The following DCLRE1B variants were observed in gnomAD, a reference collection of about 807,000 sequenced individuals.
DCLRE1B encodes the protein DNA cross-link repair 1B.
Under a neutral mutation model 19.8 loss-of-function variants are expected in DCLRE1B, and 6 were observed. That is an observed-to-expected ratio of 0.30 (90% CI 0.17 to 0.60). DCLRE1B has a LOEUF of 0.60. Ranked by LOEUF, DCLRE1B falls within the 20% of genes least tolerant of loss-of-function variation. DCLRE1B has a pLI of 0.87. For missense variants in DCLRE1B, 622 were observed against 654.2 expected (o/e 0.95, Z 0.54); for synonymous variants, 258 against 255.7 (o/e 1.01, Z -0.09).
rs1195113011 is a variant in DCLRE1B, at chr1:113,911,835, T to C, written c.1243T>C (p.Phe415Leu). Reference sequence around the variant, plus strand: ...CAAAGAATGGAACAAGGCAGTGCCTTTCTGTGAGTCTCAAAAGAGGGTGAC... The same window carrying C: ...CAAAGAATGGAACAAGGCAGTGCCTCTCTGTGAGTCTCAAAAGAGGGTGAC... ...YSKEWNKAVP[F>L]CESQKRVTML... The change falls in exon 4 of 4, where the codon TTC becomes CTC. Residue 415 changes from phenylalanine to leucine, a missense_variant. Around this residue, in one of 3 missense-constraint regions of DCLRE1B, gnomAD observed 382 missense variants for 412.5 expected, o/e 0.93. Transcript: ENST00000650450. 1.2e-6 allele frequency: 2 copies of C among 1,614,228 alleles called. No homozygotes were observed. Among genetic ancestry groups the C allele is most frequent in the Non-Finnish European group, 1.7e-6 (2 of 1,180,038 alleles).
At chr1:113,910,262 G>A (rs1256977485) in intron 3 of DCLRE1B, among the ~76,000 whole-genome samples, 3 of 152,156 alleles carry the variant, frequency 2.0e-5, no homozygotes, top group Non-Finnish European at 4.4e-5. Flanking sequence ...CTTACACAAT[G>A]AAGTCCAAGC....
In DCLRE1B at chr1:113,911,470, AG is replaced by A. The variant is rs767541697; in HGVS notation, c.880del (p.Val294TrpfsTer5). 1.2e-6 allele frequency: 2 copies of A among 1,614,172 alleles called. No individual in the cohort carries two copies. Among genetic ancestry groups the A allele is most frequent in the Non-Finnish European group, 1.7e-6 (2 of 1,180,040 alleles). ...TTTGTCGCAGCACTGAAGCCTTGCC[AG>A]GTGGTGCCCATTGTAAGTCGGCGGC... ...RAFVAALKPC[Q>X]VVPIVSRRPC... On this transcript the variant is annotated frameshift_variant, in exon 4 of 4. Transcript: ENST00000650450. LOFTEE classifies it low-confidence loss of function (END_TRUNC).
Position 113,905,376 on chromosome 1 carries a change from G to A in DCLRE1B, c.-211G>A. 1.7e-6 allele frequency: 1 copy of A among 586,660 alleles called. No individual in the cohort carries two copies. The highest frequency in any genetic ancestry group is 2.2e-5 in the South Asian group (1 of 44,596). The allele number at this position is 586,660 out of a possible 1,614,324, so 36.3% of individuals were successfully genotyped here. ...GCTCCCGCGCGGTTGGGAGTGTCCA[G>A]CGCCCTCCGCGATTTGGGCTCCAGC... On this transcript the variant is annotated 5_prime_UTR_variant, in exon 1 of 4. Transcript: ENST00000650450.
At chr1:113,906,786 C>T (rs1215311433) in intron 1 of DCLRE1B, among the ~76,000 whole-genome samples, 1 of 152,228 alleles carries the variant, frequency 6.6e-6, no homozygotes, top group Non-Finnish European at 1.5e-5. Context: ...AGCCACCACG[C>T]CCGGCCAGCT....
At position 113,912,374 on chromosome 1, in the gene DCLRE1B, A is replaced by C. The variant is rs1392154030; in HGVS notation, c.*183A>C. 1.9e-6 allele frequency: 1 copy of C among 521,254 alleles called. No individual in the cohort carries two copies. Among genetic ancestry groups the C allele is most frequent in the East Asian group, 3.1e-5 (1 of 32,772 alleles). The allele number at this position is 521,254 out of a possible 1,614,324, so 32.3% of individuals were successfully genotyped here. ...TCACTGGGGTCCTCGTGCCTATGGA[A>C]TCCTTCTTTTTATAACTAAGTTTAA... On this transcript the variant is annotated 3_prime_UTR_variant, in exon 4 of 4. Transcript: ENST00000650450.
chr1:113,910,239 T>C (rs1310963912), intron 3 of DCLRE1B, among the ~76,000 whole-genome samples: 1 of 152,204 alleles, frequency 6.6e-6, no homozygotes, highest in African/African-American at 2.4e-5. Flanking sequence ...TCACACTCAG[T>C]GGCTCCCCTT....
rs1558110482 is a variant in DCLRE1B, at chr1:113,911,893, A to AC, written c.1302dup (p.Arg436LysfsTer5). The AC allele has an allele frequency of 6.2e-7, 1 of 1,614,190 alleles. No individual in the cohort carries two copies. Among genetic ancestry groups the AC allele is most frequent in the East Asian group, 2.2e-5 (1 of 44,886 alleles). Reference sequence around the variant, plus strand: ...ACGGCCCCACTGGGATTTTCAGTGCACTTAAGGTCTACAGATGAGGAGTTT... The same window carrying AC: ...ACGGCCCCACTGGGATTTTCAGTGCACCTTAAGGTCTACAGATGAGGAGTTT... On this transcript the variant is annotated frameshift_variant, in exon 4 of 4. Coordinates refer to ENST00000650450, the MANE Select transcript of DCLRE1B (RefSeq NM_022836.4). LOFTEE classifies it low-confidence loss of function (END_TRUNC).
In DCLRE1B at chr1:113,905,507, C is replaced by T; in HGVS notation, c.-80C>T. The T allele has an allele frequency of 2.1e-6, 3 of 1,456,636 alleles. No homozygotes were observed. Among genetic ancestry groups the T allele is most frequent in the Admixed American group, 1.9e-5 (1 of 51,918 alleles). The allele number at this position is 1,456,636 out of a possible 1,614,324, so 90.2% of individuals were successfully genotyped here. On this transcript the variant is annotated 5_prime_UTR_variant, in exon 1 of 4. Transcript: ENST00000650450. ...GTTCTTGCCCCAGCATGACTTTTAT[C>T]GGGACGCCGTTGTGGAAGCCTCACG...
intron 1 of DCLRE1B, among the ~76,000 whole-genome samples, chr1:113,906,047 T>C (rs1441137184): frequency 7.6e-5 from 1 of 13,234 alleles, no homozygotes; most frequent in Non-Finnish European, 1.3e-4. Flanking sequence ...CAAACTTGCC[T>C]TTTTTTTTTT....
Position 113,905,595 on chromosome 1 carries a change from G to A in DCLRE1B, c.9G>A (p.Gly3=). 1.9e-6 allele frequency: 3 copies of A among 1,614,040 alleles called. No homozygotes were observed. The highest frequency in any genetic ancestry group is 2.5e-6 in the Non-Finnish European group (3 of 1,180,002). ...ACTCCAACCCTACCACCATGAATGG[G>A]GTCCTGATCCCCCATACGCCCATCG... MN[G]VLIPHTPIAV... The change falls in exon 1 of 4, where the codon GGG becomes GGA. Residue 3 remains glycine (G), a synonymous_variant. Transcript: ENST00000650450.
In DCLRE1B at chr1:113,911,260, A is replaced by T; in HGVS notation, c.668A>T (p.Glu223Val). ...GGCCTGGCAGATGTGTTCACAGTGG[A>T]GGAGAAGGCTGGCCGCATCCATGCA... ...LLGLADVFTVEEKAGRIHAVD... is the reference protein window; with the variant it reads ...LLGLADVFTVVEKAGRIHAVD... The change falls in exon 4 of 4, where the codon GAG becomes GTG. Residue 223 changes from glutamate to valine, a missense_variant. Around this residue, in one of 3 missense-constraint regions of DCLRE1B, gnomAD observed 382 missense variants for 412.5 expected, o/e 0.93. Coordinates refer to ENST00000650450, the MANE Select transcript of DCLRE1B (RefSeq NM_022836.4). 6.2e-7 allele frequency: 1 copy of T among 1,614,122 alleles called. No individual in the cohort carries two copies. The highest frequency in any genetic ancestry group is 1.1e-5 in the South Asian group (1 of 91,076).
rs768197196 is a variant in DCLRE1B, at chr1:113,907,160, A to G, written c.354A>G (p.Thr118=). The G allele has an allele frequency of 1.3e-6, 2 of 1,525,330 alleles. No homozygotes were observed. The allele number at this position is 1,525,330 out of a possible 1,614,324, so 94.5% of individuals were successfully genotyped here. A position where few individuals can be genotyped will look rare whatever the true frequency, so the allele number is the denominator to read the frequency against. The change falls in exon 2 of 4, where the codon ACA becomes ACG. Residue 118 remains threonine, a splice_region_variant and synonymous_variant. Transcript: ENST00000650450. ...FEGYFGTILY[T]GDFRYTPSML... ...GATATTTTGGAACCATCCTCTACAC[A>G]GGTGGGCCTCTCAAGGAATCCCAGT...
intron 3 of DCLRE1B, among the ~76,000 whole-genome samples, chr1:113,908,898 G>A (rs1025403956): frequency 6.6e-6 from 1 of 152,158 alleles, no homozygotes; most frequent in African/African-American, 2.4e-5. Context: ...GCAGCAGTCA[G>A]TATGACAGGC....
At chr1:113,906,896 A>T in intron 1 of DCLRE1B, 100 bp from the exon 2 acceptor site, 1 of 1,390,206 alleles carries the variant, frequency 7.2e-7, no homozygotes, top group Non-Finnish European at 9.9e-7. Context: ...GTGGCTCAGG[A>T]TTTGGTCAGC....
In DCLRE1B at chr1:113,912,165, G is replaced by A; in HGVS notation, c.1573G>A (p.Val525Met). The change falls in exon 4 of 4, where the codon GTG becomes ATG. Residue 525 changes from valine (V) to methionine (M), a missense_variant. Around this residue, in one of 3 missense-constraint regions of DCLRE1B, gnomAD observed 382 missense variants for 412.5 expected, o/e 0.93. Transcript: ENST00000650450. ...GYSSRRFDQQVEKYHKPC is the reference protein window; with the variant it reads ...GYSSRRFDQQMEKYHKPC ...TTCTTCCAGGAGATTTGACCAGCAA[G>A]TGGAAAAATACCATAAACCCTGCTG... 1 of 1,613,528 alleles carries A rather than the reference G, an allele frequency of 6.2e-7. No individual in the cohort carries two copies. Among genetic ancestry groups the A allele is most frequent in the South Asian group, 1.1e-5 (1 of 91,048 alleles).
At chr1:113,907,202 A>AGGTTTTTT in intron 2 of DCLRE1B, 41 bp downstream of exon 2, 1 of 203,224 alleles carries the variant, frequency 4.9e-6, no homozygotes, top group African/African-American at 1.5e-4. Context: ...TCCAGACTAG[A>AGGTTTTTT]TGTTTTTTTT....
Position 113,905,712 on chromosome 1 carries a change from C to T in DCLRE1B, c.126C>T (p.Ser42=). Residue 42 remains serine, a synonymous_variant, in exon 1 of 4, where the codon AGC becomes AGT. Coordinates refer to ENST00000650450, the MANE Select transcript of DCLRE1B (RefSeq NM_022836.4). ...CGGACCACACCGTGGGCCTGTCTAG[C>T]ACCTGGGCCCGGCCCCTCTACTGCT... ...MHSDHTVGLS[S]TWARPLYCSP... 1 of 1,614,218 alleles carries T rather than the reference C, an allele frequency of 6.2e-7. No individual in the cohort carries two copies. Among genetic ancestry groups the T allele is most frequent in the African/African-American group, 1.3e-5 (1 of 75,050 alleles).
intron 1 of DCLRE1B, 43 bp from the exon 2 acceptor site, chr1:113,906,953 G>A: frequency 6.2e-7 from 1 of 1,609,308 alleles, no homozygotes; most frequent in Non-Finnish European, 8.5e-7. Context: ...GGAGGTAACG[G>A]AGAGGAGTCA....
At chr1:113,907,945 A>T in intron 2 of DCLRE1B, 64 bp from the exon 3 acceptor site, 2 of 1,530,664 alleles carry the variant, frequency 1.3e-6, no homozygotes, top group Non-Finnish European at 1.8e-6. Context: ...TGTTGGAGGT[A>T]GGAGAGGCTT....
Sources: gnomAD v4.1 joint callset for allele counts (sites outside exome capture counted in the v4.1 genomes callset) on GRCh38, gnomAD v4.1.1 for gene constraint, gnomAD v4.1.1 regional missense constraint, MANE v1.5 for transcripts, NCBI Gene and HGNC (gene_info 2026-07-23, HGNC 2026-07-21) for gene names.